The following MME variants were observed in gnomAD, a reference collection of about 807,000 sequenced individuals.
MME encodes neprilysin.
In MME, 98 loss-of-function variants were observed where a neutral mutation model predicts 113.2. The ratio of observed to expected loss-of-function variants is 0.87; its 90% CI spans 0.74 to 1.02. The LOEUF (loss-of-function observed/expected upper bound fraction) is 1.02. Among genes scored for constraint, MME ranks in the 50% least tolerant of loss-of-function variants. The pLI, the probability that MME is intolerant of heterozygous loss-of-function variation, is 0.00. For missense variants in MME, 836 were observed against 896.0 expected (o/e 0.93, Z 0.86); for synonymous variants, 292 against 300.6 (o/e 0.97, Z 0.30).
chr3:155,144,431 G>T lies in MME; in HGVS notation c.1390G>T (p.Glu464Ter). The change falls in exon 14 of 23, where the codon GAG becomes TAG. Residue 464 changes from glutamate to a stop codon, truncating the protein, a stop_gained. Coordinates refer to ENST00000360490, the MANE Select transcript of MME (RefSeq NM_007289.4). LOFTEE classifies it high-confidence loss of function. The part of the protein sequence containing the change: ...TLDDLTWMDA[E>*]TKKRAEEKAL... ...AGATGACCTCACTTGGATGGATGCC[G>T]AGACAAAAAAGAGAGCTGAAGAAAA... The T allele has an allele frequency of 6.2e-7, 1 of 1,612,372 alleles. No individual in the cohort carries two copies. Among genetic ancestry groups the T allele is most frequent in the Non-Finnish European group, 8.5e-7 (1 of 1,178,806 alleles).
chr3:155,110,728 A>T (rs1284650372), intron 3 of MME, among the ~76,000 whole-genome samples: 1 of 152,206 alleles, frequency 6.6e-6, no homozygotes, highest in Non-Finnish European at 1.5e-5. Context: ...TGTTCATCTA[A>T]TACAAATTGG....
At chr3:155,174,009 G>C (rs1309837409) in intron 22 of MME, among the ~76,000 whole-genome samples, 1 of 151,996 alleles carries the variant, frequency 6.6e-6, no homozygotes, top group Admixed American at 6.6e-5. Context: ...GTGTGTGTTT[G>C]AAAGTCCATA....
intron 20 of MME, among the ~76,000 whole-genome samples, chr3:155,169,184 C>T (rs1213734585): frequency 6.6e-6 from 1 of 152,068 alleles, no homozygotes; most frequent in Non-Finnish European, 1.5e-5. Flanking sequence ...GAAACAGGAC[C>T]TTCAGTTTTG....
chr3:155,110,762 C>T (rs1028357159), intron 3 of MME, among the ~76,000 whole-genome samples: 2 of 152,062 alleles, frequency 1.3e-5, no homozygotes, highest in African/African-American at 4.8e-5. Context: ...GCAAATAATA[C>T]AAAATTAAAC....
In MME at chr3:155,180,491, G is replaced by T. The variant is rs772812910; in HGVS notation, c.*32G>T. ...AAAGAAGCATTGCAGCCCTTGGCTA[G>T]ACTTGCCAACACCACAGAAATGGGG... On this transcript the variant is annotated 3_prime_UTR_variant, in exon 23 of 23. Transcript: ENST00000360490. 6.5e-7 allele frequency: 1 copy of T among 1,538,292 alleles called. No individual in the cohort carries two copies. The highest frequency in any genetic ancestry group is 1.1e-5 in the South Asian group (1 of 89,556).
chr3:155,070,906 G>A (rs1351875897), intron 1 of MME, among the ~76,000 whole-genome samples: 1 of 152,152 alleles, frequency 6.6e-6, no homozygotes, highest in African/African-American at 2.4e-5. Flanking sequence ...AAAATCTGGG[G>A]TGTTTGGGTT....
chr3:155,170,659 A>C (rs1413325877), intron 20 of MME, among the ~76,000 whole-genome samples: 4 of 152,158 alleles, frequency 2.6e-5, no homozygotes, highest in African/African-American at 9.6e-5. Context: ...CTTCAGATCA[A>C]GACTAAGCTG....
rs140855217 is a variant in MME at position 155,025,002 on chromosome 3, A to G, written c.-11+678A>G. Reference sequence around the variant, plus strand: ...GATTTTTTCAACTTGGAGAAAATAGACCCACTGAACTTAATAGCTGTCTCC... The same window carrying G: ...GATTTTTTCAACTTGGAGAAAATAGGCCCACTGAACTTAATAGCTGTCTCC... On this transcript the variant is annotated intron_variant, in intron 1 of 22. Transcript: ENST00000492661. Among the ~76,000 whole-genome samples the G allele has an allele frequency of 1.8e-3, 269 of 152,336 alleles. 1 individual carries two copies. Among genetic ancestry groups the G allele is most frequent in the African/African-American group, 6.4e-3 (265 of 41,568 alleles).
At chr3:155,162,451 C>T (rs189478752) in intron 17 of MME, among the ~76,000 whole-genome samples, 1 of 152,104 alleles carries the variant, frequency 6.6e-6, no homozygotes, top group Admixed American at 6.6e-5. Context: ...CAATAATCCT[C>T]TGGTAAATCA....
At chr3:155,133,758 G>A (rs1256979373) in intron 8 of MME, among the ~76,000 whole-genome samples, 1 of 144,574 alleles carries the variant, frequency 6.9e-6, no homozygotes, top group Non-Finnish European at 1.5e-5. Flanking sequence ...ATATATATGT[G>A]TATATATATG....
intron 1 of MME, among the ~76,000 whole-genome samples, chr3:155,073,126 C>T (rs1190694849): frequency 6.6e-6 from 1 of 152,138 alleles, no homozygotes; most frequent in Admixed American, 6.5e-5. Context: ...GAAAAGTCAA[C>T]CGAAGGTGCA....
At chr3:155,100,943 A>T (rs1238558468) in intron 3 of MME, among the ~76,000 whole-genome samples, 3 of 152,262 alleles carry the variant, frequency 2.0e-5, no homozygotes, top group Non-Finnish European at 4.4e-5. Context: ...TCTCATGTTG[A>T]ATTAATCCTC....
chr3:155,144,538 A>G, intron 14 of MME, 81 bp downstream of exon 14: 1 of 883,764 alleles, frequency 1.1e-6, no homozygotes, highest in Non-Finnish European at 1.8e-6. Context: ...TTAGAAAAAA[A>G]TATAATCAAA....
In MME at chr3:155,122,202, C is replaced by T. The variant is rs1374776327; in HGVS notation, c.720+3391C>T. ...TCTTCTAGATTTTCTAGTTTATTTG[C>T]GTAGAGGTGTTTATAGTATTCTCTG... On this transcript the variant is annotated intron_variant, in intron 8 of 22. Coordinates refer to ENST00000360490, the MANE Select transcript of MME (RefSeq NM_007289.4). Among the ~76,000 whole-genome samples the T allele has an allele frequency of 3.3e-5, 5 of 151,462 alleles. No homozygotes were observed. In the East Asian group the frequency reaches 7.8e-4, roughly 24 times the overall value.
intron 8 of MME, among the ~76,000 whole-genome samples, chr3:155,127,148 G>A (rs1719748443): frequency 6.6e-6 from 1 of 152,072 alleles, no homozygotes; most frequent in Admixed American, 6.6e-5. Context: ...TCTGGTCTTG[G>A]CTAAGCCACA....
At chr3:155,026,309 C>T (rs1025775061) in intron 1 of MME, among the ~76,000 whole-genome samples, 1 of 152,128 alleles carries the variant, frequency 6.6e-6, no homozygotes, top group Non-Finnish European at 1.5e-5. Flanking sequence ...AAAAAATGAA[C>T]TCTGGAGCCA....
intron 3 of MME, among the ~76,000 whole-genome samples, chr3:155,097,840 A>G (rs1716868601): frequency 6.6e-6 from 1 of 152,184 alleles, no homozygotes; most frequent in East Asian, 1.9e-4. Context: ...CCATGTGAGG[A>G]GTGGGCCATG....
Position 155,180,459 on chromosome 3 carries a change from A to T in MME, c.2253A>T (p.Ter751CysextTer36). ...CAGAAAAGAAGTGCCGGGTTTGGTG[A>T]TCTTCAAAAGAAGCATTGCAGCCCT... The part of the protein sequence containing the change: ...MNPEKKCRVW[*>C] Residue 751 changes from the stop codon to cysteine, a stop_lost, in exon 23 of 23, where the codon TGA becomes TGT. Transcript: ENST00000360490. The T allele has an allele frequency of 6.2e-7, 1 of 1,611,700 alleles. No individual in the cohort carries two copies. Among genetic ancestry groups the T allele is most frequent in the Non-Finnish European group, 8.5e-7 (1 of 1,177,950 alleles).
chr3:155,029,340 T>C (rs895397362), intron 1 of MME, among the ~76,000 whole-genome samples: 9 of 152,254 alleles, frequency 5.9e-5, no homozygotes, highest in African/African-American at 2.2e-4. Flanking sequence ...AATTTTTTTC[T>C]ATTTATTCCT....
Sources: allele counts gnomAD v4.1 joint callset (sites outside exome capture counted in the v4.1 genomes callset), GRCh38; gene constraint gnomAD v4.1.1; transcripts MANE v1.5; gene names NCBI Gene and HGNC (gene_info 2026-07-23, HGNC 2026-07-21).